The following LMO7 variants were observed in gnomAD, a reference collection of about 807,000 sequenced individuals.
LMO7 encodes LIM domain only protein 7.
Under a neutral mutation model 206.5 loss-of-function variants are expected in LMO7, and 120 were observed. That is an observed-to-expected ratio of 0.58 (90% CI 0.50 to 0.68). The LOEUF is 0.68. Among genes scored for constraint, LMO7 ranks in the 30% least tolerant of loss-of-function variants. The pLI is 0.00. For synonymous variants in LMO7, 706 were observed against 681.5 expected (o/e 1.04, Z -0.56); for missense variants, 1,959 against 1,957.9 (o/e 1.00, Z -0.01).
intron 2 of LMO7, among the ~76,000 whole-genome samples, chr13:75,626,593 A>ATATATATATATATATATAT (rs1566249204): frequency 6.2e-5 from 4 of 64,730 alleles, no homozygotes; most frequent in African/African-American, 7.5e-5. Flanking sequence ...ATATATATAT[A>ATATATATATATATATATAT]AATTTTTTTG....
chr13:75,826,288 C>T (rs2058105252), intron 15 of LMO7, among the ~76,000 whole-genome samples: 1 of 152,136 alleles, frequency 6.6e-6, no homozygotes, highest in South Asian at 2.1e-4. Context: ...ACGATCCATC[C>T]ATCTTGGCCT....
At chr13:75,762,646 T>C (rs1294495141) in intron 4 of LMO7, among the ~76,000 whole-genome samples, 1 of 152,192 alleles carries the variant, frequency 6.6e-6, no homozygotes, top group Non-Finnish European at 1.5e-5. Context: ...TCAGTGAAAT[T>C]ACTGACAAAC....
chr13:75,673,614 G>A (rs2080054822), intron 1 of LMO7, among the ~76,000 whole-genome samples: 1 of 152,118 alleles, frequency 6.6e-6, no homozygotes, highest in South Asian at 2.1e-4. Flanking sequence ...TTTAGCTGTG[G>A]ATTTCTTGCT....
intron 4 of LMO7, among the ~76,000 whole-genome samples, chr13:75,781,936 T>C (rs2051525893): frequency 6.6e-6 from 1 of 152,210 alleles, no homozygotes; most frequent in Non-Finnish European, 1.5e-5. Flanking sequence ...TTTTGAGAAG[T>C]GTCTGTTCAT....
chr13:75,666,662 T>C (rs1297028111), intron 1 of LMO7, among the ~76,000 whole-genome samples: 4 of 152,330 alleles, frequency 2.6e-5, no homozygotes, highest in East Asian at 3.9e-4. Context: ...ACAAAAGCTC[T>C]TGGGGGCCTT....
At chr13:75,822,825 AAT>A (rs35183302) in intron 14 of LMO7, among the ~76,000 whole-genome samples, 91,495 of 132,576 alleles carry the variant, frequency 0.69, 31,778 homozygotes, top group Middle Eastern at 0.85. Flanking sequence ...TATATAATAA[AAT>A]ATATATATAT....
At chr13:75,806,042 T>C in intron 9 of LMO7, 1 of 1,176,832 alleles carries the variant, frequency 8.5e-7, no homozygotes, top group Non-Finnish European at 1.1e-6. Context: ...CCTTCTTTTC[T>C]TCATGTCACT....
chr13:75,795,356 TA>T, intron 4 of LMO7, 44 bp from the exon 5 acceptor site: 1 of 1,307,090 alleles, frequency 7.7e-7, no homozygotes, highest in Non-Finnish European at 1.1e-6. Context: ...ATTAATAATT[TA>T]AGGTTCACGG....
At chr13:75,623,585 A>G (rs982611400) in intron 2 of LMO7, among the ~76,000 whole-genome samples, 8 of 151,916 alleles carry the variant, frequency 5.3e-5, no homozygotes, top group African/African-American at 7.3e-5. Flanking sequence ...CTGGTTTGGA[A>G]CTCATGACCT....
chr13:75,633,893 G>A (rs1157411425), upstream of LMO7, among the ~76,000 whole-genome samples: 1 of 135,650 alleles, frequency 7.4e-6, no homozygotes, highest in Non-Finnish European at 1.5e-5. Context: ...CTGTCCCCAG[G>A]CTGGAGTGCA....
intron 1 of LMO7, among the ~76,000 whole-genome samples, chr13:75,693,367 A>G (rs1035060908): frequency 3.9e-5 from 6 of 152,236 alleles, no homozygotes; most frequent in Non-Finnish European, 7.3e-5. Context: ...TTTCTGGAAT[A>G]TGGGCTTCAT....
At chr13:75,813,251 G>T (rs1327151677) in intron 11 of LMO7, among the ~76,000 whole-genome samples, 1 of 152,192 alleles carries the variant, frequency 6.6e-6, no homozygotes, top group Admixed American at 6.5e-5. Flanking sequence ...TGTGGTCCGG[G>T]GTGACCTCTC....
chr13:75,787,555 T>C (rs1373052507), intron 4 of LMO7, among the ~76,000 whole-genome samples: 1 of 152,252 alleles, frequency 6.6e-6, no homozygotes, highest in Non-Finnish European at 1.5e-5. Context: ...ATTATGTTGC[T>C]AGGGCAAAGT....
intron 6 of LMO7, among the ~76,000 whole-genome samples, chr13:75,797,136 T>A (rs1418046787): frequency 6.6e-6 from 1 of 152,260 alleles, no homozygotes; most frequent in Non-Finnish European, 1.5e-5. Context: ...GCATGGAATT[T>A]ACTCAATTTC....
intron 1 of LMO7, among the ~76,000 whole-genome samples, chr13:75,669,439 C>T (rs4884012): frequency 0.66 from 100,924 of 152,016 alleles, 33,824 homozygotes; most frequent in East Asian, 0.86. Flanking sequence ...CTAGAGCAAT[C>T]TCAGAGTGAA....
intron 2 of LMO7, among the ~76,000 whole-genome samples, chr13:75,626,419 T>C (rs1235624754): frequency 1.4e-5 from 2 of 145,406 alleles, no homozygotes; most frequent in East Asian, 3.9e-4. Flanking sequence ...ACTTATTCAC[T>C]ATGACGAGAA....
intron 1 of LMO7, among the ~76,000 whole-genome samples, chr13:75,664,531 G>A (rs902127248): frequency 4.6e-5 from 7 of 152,106 alleles, no homozygotes; most frequent in Non-Finnish European, 8.8e-5. Context: ...CCTTTCTTTT[G>A]TGTATATACC....
At chr13:75,685,262 G>A (rs1219449491) in intron 1 of LMO7, among the ~76,000 whole-genome samples, 1 of 152,128 alleles carries the variant, frequency 6.6e-6, no homozygotes, top group Non-Finnish European at 1.5e-5. Flanking sequence ...ACATGGACTT[G>A]GAGTAAGCTG....
chr13:75,852,407 T>G (rs556971752), intron 27 of LMO7, among the ~76,000 whole-genome samples: 1 of 152,256 alleles, frequency 6.6e-6, no homozygotes, highest in African/African-American at 2.4e-5. Flanking sequence ...ACCTGGGTGA[T>G]GAAATAATCT....
Sources: allele counts gnomAD v4.1 joint callset (sites outside exome capture counted in the v4.1 genomes callset), GRCh38; gene constraint gnomAD v4.1.1; transcripts MANE v1.5; gene names NCBI Gene and HGNC (gene_info 2026-07-23, HGNC 2026-07-21).